Variants in TRIM2 observed in about 807,000 individuals in gnomAD.
TRIM2 encodes the protein tripartite motif containing 2.
Under a neutral mutation model 75.2 loss-of-function variants are expected in TRIM2, and 20 were observed. The observed-to-expected ratio is 0.27, with a 90% CI of 0.19 to 0.39. TRIM2 has a LOEUF of 0.39. Among genes scored for constraint, TRIM2 ranks in the 10% least tolerant of loss-of-function variants. The pLI is 1.00. For synonymous variants in TRIM2, 373 were observed against 388.3 expected (o/e 0.96, Z 0.46); for missense variants, 660 against 990.8 (o/e 0.67, Z 4.48).
chr4:153,218,421 G>T (rs949477811), intron 1 of TRIM2, among the ~76,000 whole-genome samples: 1 of 152,056 alleles, frequency 6.6e-6, no homozygotes, highest in Non-Finnish European at 1.5e-5. Flanking sequence ...CGTTGCCCAG[G>T]GTGGCCTCCC....
intron 1 of TRIM2, among the ~76,000 whole-genome samples, chr4:153,189,398 A>G (rs940447642): frequency 3.9e-5 from 6 of 152,198 alleles, no homozygotes; most frequent in Admixed American, 3.3e-4. Flanking sequence ...AAGTCTTGGC[A>G]TGTTCTAATT....
At chr4:153,289,854 T>C (rs1475949137) in intron 3 of TRIM2, among the ~76,000 whole-genome samples, 1 of 152,204 alleles carries the variant, frequency 6.6e-6, no homozygotes, top group African/African-American at 2.4e-5. Context: ...ACTGTTAATG[T>C]GGCATATTCC....
chr4:153,264,434 T>C, intron 1 of TRIM2, among the ~76,000 whole-genome samples: 1 of 152,244 alleles, frequency 6.6e-6, no homozygotes, highest in East Asian at 1.9e-4. Flanking sequence ...AAGTTAGTTT[T>C]GCAGCTCTCC....
chr4:153,313,994 C>A (rs939797803), intron 6 of TRIM2, among the ~76,000 whole-genome samples: 1 of 152,102 alleles, frequency 6.6e-6, no homozygotes, highest in Non-Finnish European at 1.5e-5. Context: ...TTCTCTCTCT[C>A]TATGAAAAAT....
chr4:153,221,675 G>C (rs1397049309), intron 1 of TRIM2, among the ~76,000 whole-genome samples: 1 of 151,006 alleles, frequency 6.6e-6, no homozygotes, highest in Non-Finnish European at 1.5e-5. Context: ...AAGGGAGGAA[G>C]GTAAGGAAGG....
chr4:153,333,450 C>G (rs1264467411), intron 11 of TRIM2, among the ~76,000 whole-genome samples: 1 of 152,108 alleles, frequency 6.6e-6, no homozygotes. Context: ...AACCCAAAGT[C>G]AATGTATTGG....
At chr4:153,192,226 T>C (rs2149661752) in intron 1 of TRIM2, among the ~76,000 whole-genome samples, 1 of 152,314 alleles carries the variant, frequency 6.6e-6, no homozygotes, top group African/African-American at 2.4e-5. Flanking sequence ...ACCAGCATTG[T>C]ATCTGTATTC....
Position 153,316,869 on chromosome 4 carries a change from A to T in TRIM2, c.1782+870A>T, listed in dbSNP as rs370447734. On this transcript the variant is annotated intron_variant, in intron 8 of 11. Coordinates refer to ENST00000338700, the MANE Select transcript of TRIM2 (RefSeq NM_015271.5). ...GATCTTTGTAAGGGCCATTTGCATT[A>T]TGCCTTTTTTTTTTTTTTTTTTTTT... 8.0e-3 allele frequency among the ~76,000 whole-genome samples: 621 copies of T among 77,180 alleles called. 6 individuals are homozygous for T. The highest frequency in any genetic ancestry group is 0.037 in the African/African-American group (559 of 15,298). The allele number at this position is 77,180 out of a possible 152,430, so 50.6% of individuals were successfully genotyped here.
At chr4:153,231,239 C>G (rs1743528334) in intron 1 of TRIM2, among the ~76,000 whole-genome samples, 1 of 152,076 alleles carries the variant, frequency 6.6e-6, no homozygotes, top group Non-Finnish European at 1.5e-5. Flanking sequence ...TAACTCTAGA[C>G]CCAAGAATAT....
intron 3 of TRIM2, among the ~76,000 whole-genome samples, chr4:153,282,017 G>T (rs563433389): frequency 6.6e-6 from 1 of 152,322 alleles, no homozygotes; most frequent in South Asian, 2.1e-4. Flanking sequence ...CTCAGGGTTG[G>T]CTGCAAGACC....
At chr4:153,287,967 C>T (rs1437335592) in intron 3 of TRIM2, among the ~76,000 whole-genome samples, 1 of 152,086 alleles carries the variant, frequency 6.6e-6, no homozygotes, top group Non-Finnish European at 1.5e-5. Flanking sequence ...GGTATACTAG[C>T]AACAGACACT....
chr4:153,294,010 A>T (rs921545986), intron 4 of TRIM2, among the ~76,000 whole-genome samples: 5 of 152,182 alleles, frequency 3.3e-5, no homozygotes, highest in Admixed American at 6.5e-5. Context: ...GCAACGAAGA[A>T]TTAACCTGGC....
chr4:153,239,716 C>G (rs934429581), intron 1 of TRIM2, among the ~76,000 whole-genome samples: 1 of 152,102 alleles, frequency 6.6e-6, no homozygotes, highest in African/African-American at 2.4e-5. Context: ...CTCTTCAACA[C>G]ATAACATCTT....
At chr4:153,262,008 T>TGATCATTGAA (rs1753700756) in intron 1 of TRIM2, among the ~76,000 whole-genome samples, 1 of 152,204 alleles carries the variant, frequency 6.6e-6, no homozygotes, top group African/African-American at 2.4e-5. Flanking sequence ...TTTTGTTATG[T>TGATCATTGAA]GATCATTGAA....
intron 2 of TRIM2, among the ~76,000 whole-genome samples, chr4:153,273,268 C>CTATTTTTTTTTTTTT (rs1757181547): frequency 1.1e-5 from 1 of 94,510 alleles, no homozygotes; most frequent in South Asian, 4.0e-4. Flanking sequence ...CTTACAGTCA[C>CTATTTTTTTTTTTTT]TCTTTTTTTT....
intron 8 of TRIM2, among the ~76,000 whole-genome samples, chr4:153,316,849 T>C (rs114024005): frequency 0.018 from 2,618 of 148,704 alleles, 73 homozygotes; most frequent in African/African-American, 0.063. Flanking sequence ...TCAAAGATCT[T>C]TGTAAGGGCC....
intron 1 of TRIM2, among the ~76,000 whole-genome samples, chr4:153,179,157 ATTG>A (rs1292550640): frequency 1.3e-5 from 2 of 152,152 alleles, no homozygotes; most frequent in African/African-American, 2.4e-5. Flanking sequence ...CCATTAATTA[ATTG>A]TTAATTAATA....
At chr4:153,327,923 T>A (rs1007181268) in intron 10 of TRIM2, among the ~76,000 whole-genome samples, 4 of 152,194 alleles carry the variant, frequency 2.6e-5, no homozygotes, top group Non-Finnish European at 5.9e-5. Context: ...AACTAAAATA[T>A]CTTCTGAGGG....
chr4:153,206,190 A>G (rs2149692013), intron 1 of TRIM2, among the ~76,000 whole-genome samples: 1 of 152,330 alleles, frequency 6.6e-6, no homozygotes, highest in Admixed American at 6.5e-5. Context: ...CCTGAGGTTT[A>G]AGGGCTCAGT....
Sources: allele counts gnomAD v4.1 joint callset (sites outside exome capture counted in the v4.1 genomes callset), GRCh38; gene constraint gnomAD v4.1.1; transcripts MANE v1.5; gene names NCBI Gene and HGNC (gene_info 2026-07-23, HGNC 2026-07-21).